The following ATRNL1 variants were observed in gnomAD, a reference collection of about 807,000 sequenced individuals.
ATRNL1 encodes attractin like 1.
A neutral mutation model predicts 182.7 loss-of-function variants in ATRNL1; 95 were observed. That is an observed-to-expected ratio of 0.52 (90% CI 0.44 to 0.62). ATRNL1 has a LOEUF of 0.62. ATRNL1 is among the 20% of genes least tolerant of loss of function. ATRNL1 has a pLI of 0.00. For synonymous variants in ATRNL1, 576 were observed against 568.3 expected, an observed-to-expected ratio of 1.01 and a Z score of -0.19; for missense variants, 1,471 against 1,679.5, an observed-to-expected ratio of 0.88 and a Z score of 2.17.
chr10:115,438,298 A>AT (rs545822897), intron 21 of ATRNL1, among the ~76,000 whole-genome samples: 13 of 151,700 alleles, frequency 8.6e-5, no homozygotes, highest in African/African-American at 2.2e-4. Flanking sequence ...CACCTTGATG[A>AT]TTTTTTTTAT....
At chr10:115,364,906 G>T (rs1187027927) in intron 19 of ATRNL1, among the ~76,000 whole-genome samples, 1 of 151,370 alleles carries the variant, frequency 6.6e-6, no homozygotes, top group Non-Finnish European at 1.5e-5. Context: ...TTGATGTGCT[G>T]CTGGATTCAG....
At chr10:115,457,131 G>A (rs74158356) in intron 21 of ATRNL1, among the ~76,000 whole-genome samples, 1,645 of 152,158 alleles carry the variant, frequency 0.011, 33 homozygotes, top group African/African-American at 0.038. Flanking sequence ...GTGGACACCG[G>A]AGAGTGAGTA....
chr10:115,584,675 T>A (rs1713099758), intron 26 of ATRNL1, among the ~76,000 whole-genome samples: 1 of 151,826 alleles, frequency 6.6e-6, no homozygotes, highest in African/African-American at 2.4e-5. Context: ...TGTCTATGAA[T>A]TTTGTTGATC....
At chr10:115,214,023 A>AT (rs148157045) in intron 8 of ATRNL1, among the ~76,000 whole-genome samples, 3,742 of 145,222 alleles carry the variant, frequency 0.026, 155 homozygotes, top group African/African-American at 0.089. Context: ...GCAACATAGT[A>AT]TTTTTAGTAC....
intron 27 of ATRNL1, among the ~76,000 whole-genome samples, chr10:115,813,125 G>A (rs188256826): frequency 2.6e-5 from 4 of 152,116 alleles, no homozygotes; most frequent in African/African-American, 7.2e-5. Context: ...CCCTGCCTGG[G>A]ATCATCTAAA....
intron 28 of ATRNL1, among the ~76,000 whole-genome samples, chr10:115,886,896 C>T (rs1951957172): frequency 6.6e-6 from 1 of 152,132 alleles, no homozygotes; most frequent in East Asian, 1.9e-4. Context: ...TATAAACATT[C>T]TAAGGCTTTT....
At chr10:115,549,162 T>C (rs1852827928) in intron 25 of ATRNL1, among the ~76,000 whole-genome samples, 1 of 152,064 alleles carries the variant, frequency 6.6e-6, no homozygotes, top group African/African-American at 2.4e-5. Flanking sequence ...TAGATTTTGG[T>C]TGTGATTTCT....
intron 28 of ATRNL1, among the ~76,000 whole-genome samples, chr10:115,855,000 G>A (rs1951147326): frequency 6.6e-6 from 1 of 152,154 alleles, no homozygotes; most frequent in African/African-American, 2.4e-5. Flanking sequence ...ACTCTGGAAT[G>A]AAAGGTCCTC....
intron 5 of ATRNL1, among the ~76,000 whole-genome samples, chr10:115,142,447 C>A (rs61880799): frequency 0.22 from 33,440 of 151,864 alleles, 4,662 homozygotes; most frequent in Non-Finnish European, 0.31. Context: ...AGTTACACAA[C>A]AAGGGAGATG....
chr10:115,222,092 A>C (rs1014204935), intron 9 of ATRNL1, among the ~76,000 whole-genome samples: 1 of 152,158 alleles, frequency 6.6e-6, no homozygotes, highest in Non-Finnish European at 1.5e-5. Flanking sequence ...TTTAAGGTAG[A>C]GAATATTAGG....
chr10:115,179,281 C>T (rs1161272524), intron 8 of ATRNL1, among the ~76,000 whole-genome samples: 8 of 152,180 alleles, frequency 5.3e-5, no homozygotes, highest in African/African-American at 1.9e-4. Context: ...GTAGGCTGAG[C>T]CAGTGGTGGT....
rs1555055340 is a variant in ATRNL1 at position 115,713,705 on chromosome 10, C to CTATCATCTATCT, written c.3796-13543_3796-13542insTATCATCTATCT. ...TCTATCTATCTATCTATCTATCTAT[C>CTATCATCTATCT]ATCTATCTATCTATCTATCTATCTA... On this transcript the variant is annotated intron_variant, in intron 26 of 28. Transcript: ENST00000355044. Among the ~76,000 whole-genome samples the CTATCATCTATCT allele has an allele frequency of 8.0e-3, 809 of 101,164 alleles. 2 individuals carry two copies. Among genetic ancestry groups the CTATCATCTATCT allele is most frequent in the Admixed American group, 9.7e-3 (84 of 8,642 alleles). The allele number at this position is 101,164 out of a possible 152,430, so 66.4% of individuals were successfully genotyped here.
chr10:115,265,832 T>C (rs1175270035), intron 11 of ATRNL1, among the ~76,000 whole-genome samples: 7 of 151,942 alleles, frequency 4.6e-5, no homozygotes, highest in African/African-American at 1.7e-4. Context: ...AAAAATTTGG[T>C]AATTTGGAAT....
At chr10:115,592,167 TA>T (rs1267050860) in intron 26 of ATRNL1, among the ~76,000 whole-genome samples, 1 of 152,092 alleles carries the variant, frequency 6.6e-6, no homozygotes, top group African/African-American at 2.4e-5. Context: ...TGGGGACTAC[TA>T]GGGGTGGAGT....
At chr10:115,785,259 TC>T (rs1168603234) in intron 27 of ATRNL1, among the ~76,000 whole-genome samples, 1 of 152,224 alleles carries the variant, frequency 6.6e-6, no homozygotes, top group African/African-American at 2.4e-5. Flanking sequence ...GATCACTGGT[TC>T]CAAGCAAATC....
intron 26 of ATRNL1, among the ~76,000 whole-genome samples, chr10:115,568,660 A>G (rs1475775615): frequency 7.9e-5 from 12 of 152,036 alleles, no homozygotes; most frequent in East Asian, 1.9e-4. Context: ...AGGTTCTTCT[A>G]TACTAGATTT....
intron 19 of ATRNL1, among the ~76,000 whole-genome samples, chr10:115,381,871 G>A (rs1439232166): frequency 4.6e-5 from 7 of 151,522 alleles, no homozygotes; most frequent in African/African-American, 1.7e-4. Context: ...TGATGTTTAG[G>A]GCATGGTCTG....
At chr10:115,794,477 G>T (rs868906741) in intron 27 of ATRNL1, among the ~76,000 whole-genome samples, 1 of 152,102 alleles carries the variant, frequency 6.6e-6, no homozygotes, top group African/African-American at 2.4e-5. Flanking sequence ...TTAGAATCAT[G>T]CGTTGCATTT....
intron 22 of ATRNL1, among the ~76,000 whole-genome samples, chr10:115,466,417 A>G (rs1401409303): frequency 2.0e-5 from 3 of 151,330 alleles, no homozygotes; most frequent in African/African-American, 7.3e-5. Context: ...TATGACTATC[A>G]TTCTTTGCCT....
Sources: allele counts gnomAD v4.1 joint callset (sites outside exome capture counted in the v4.1 genomes callset), GRCh38; gene constraint gnomAD v4.1.1; transcripts MANE v1.5; gene names NCBI Gene and HGNC (gene_info 2026-07-23, HGNC 2026-07-21).